The following PAPSS1 variants were observed in gnomAD, a reference collection of about 807,000 sequenced individuals.
PAPSS1 encodes the protein 3'-phosphoadenosine 5'-phosphosulfate synthase 1.
A neutral mutation model predicts 72.0 loss-of-function variants in PAPSS1; 50 were observed. The observed-to-expected ratio is 0.69, with a 90% CI of 0.55 to 0.88. The LOEUF (loss-of-function observed/expected upper bound fraction) is 0.88, where lower values mean the gene tolerates loss of function less well. PAPSS1 is among the 40% of genes least tolerant of loss of function. PAPSS1 has a pLI of 0.00. For synonymous variants in PAPSS1, 261 were observed against 263.6 expected (o/e 0.99, Z 0.09); for missense variants, 657 against 782.2 (o/e 0.84, Z 1.91).
At chr4:107,684,662 T>C (rs1329337831) in intron 4 of PAPSS1, among the ~76,000 whole-genome samples, 1 of 152,068 alleles carries the variant, frequency 6.6e-6, no homozygotes, top group African/African-American at 2.4e-5. Context: ...TCAGACAAAC[T>C]CAACCAATTG....
intron 11 of PAPSS1, among the ~76,000 whole-genome samples, chr4:107,620,330 A>G (rs1023087244): frequency 1.3e-5 from 2 of 152,232 alleles, no homozygotes; most frequent in Admixed American, 6.5e-5. Flanking sequence ...GACTGGGATT[A>G]AAAATTCTCT....
intron 11 of PAPSS1, among the ~76,000 whole-genome samples, chr4:107,625,105 A>C (rs1287455813): frequency 6.6e-6 from 1 of 152,214 alleles, no homozygotes; most frequent in African/African-American, 2.4e-5. Context: ...GGTTTTGGCC[A>C]TTTTAAGAAA....
intron 9 of PAPSS1, among the ~76,000 whole-genome samples, chr4:107,652,626 A>C (rs573091035): frequency 1.3e-5 from 2 of 152,318 alleles, no homozygotes; most frequent in South Asian, 4.1e-4. Flanking sequence ...ACTGGCATAT[A>C]AAGATCCAGA....
intron 11 of PAPSS1, among the ~76,000 whole-genome samples, chr4:107,625,152 G>A (rs1726058068): frequency 6.6e-6 from 1 of 152,156 alleles, no homozygotes; most frequent in South Asian, 2.1e-4. Flanking sequence ...AGAAATCAAA[G>A]AAGCAAGAAA....
At chr4:107,653,750 T>G in intron 8 of PAPSS1, 124 bp from the exon 9 acceptor site, 4 of 617,684 alleles carry the variant, frequency 6.5e-6, no homozygotes, top group Non-Finnish European at 1.0e-5. Flanking sequence ...AAATCTGACT[T>G]ATCAACTAAA....
intron 11 of PAPSS1, among the ~76,000 whole-genome samples, chr4:107,621,622 T>TTTTTA (rs1725960030): frequency 2.6e-5 from 3 of 115,282 alleles, no homozygotes; most frequent in Non-Finnish European, 5.4e-5. Flanking sequence ...TTTTTTTTTT[T>TTTTTA]TTTTTTTTTT....
intron 11 of PAPSS1, among the ~76,000 whole-genome samples, chr4:107,621,907 C>T (rs1168531100): frequency 6.6e-6 from 1 of 151,986 alleles, no homozygotes; most frequent in East Asian, 1.9e-4. Flanking sequence ...GGATTATAGG[C>T]GTGAGCCACC....
chr4:107,715,169 T>A (rs1475851780), intron 1 of PAPSS1, among the ~76,000 whole-genome samples: 1 of 152,224 alleles, frequency 6.6e-6, no homozygotes, highest in African/African-American at 2.4e-5. Context: ...TGAAACGTGG[T>A]TACTGCAACT....
intron 2 of PAPSS1, among the ~76,000 whole-genome samples, chr4:107,695,215 G>C (rs1019077001): frequency 2.6e-5 from 4 of 152,140 alleles, no homozygotes; most frequent in Non-Finnish European, 5.9e-5. Flanking sequence ...CACGTCCCTT[G>C]CAAGTTGTAT....
Position 107,659,947 on chromosome 4 carries a change from C to T in PAPSS1, c.783+12G>A, listed in dbSNP as rs778534843. The T allele has an allele frequency of 1.5e-5, 21 of 1,433,028 alleles. No homozygotes were observed. The highest frequency in any genetic ancestry group is 8.6e-5 in the Admixed American group (5 of 58,458). The allele number at this position is 1,433,028 out of a possible 1,614,324, so 88.8% of individuals were successfully genotyped here. On this transcript the variant is annotated intron_variant, in intron 6 of 11. Coordinates refer to ENST00000265174, the MANE Select transcript of PAPSS1 (RefSeq NM_005443.5). ...CTGTATCACTTAGTGTGAAAAGCAA[C>T]GAAGAACTTACTTTATTAATTTTCA...
At chr4:107,659,734 ATAAG>A (rs1727119287) in intron 6 of PAPSS1, among the ~76,000 whole-genome samples, 1 of 152,314 alleles carries the variant, frequency 6.6e-6, no homozygotes, top group African/African-American at 2.4e-5. Flanking sequence ...TTCAAAATAA[ATAAG>A]TATTATTACT....
At chr4:107,626,975 T>G (rs1173517012) in intron 11 of PAPSS1, among the ~76,000 whole-genome samples, 1 of 152,204 alleles carries the variant, frequency 6.6e-6, no homozygotes, top group African/African-American at 2.4e-5. Flanking sequence ...TAATATAGAA[T>G]TCATCTTTGG....
intron 1 of PAPSS1, among the ~76,000 whole-genome samples, chr4:107,717,590 C>G (rs2125945176): frequency 6.6e-6 from 1 of 152,282 alleles, no homozygotes; most frequent in Middle Eastern, 3.4e-3. Context: ...CTCCAGGGTC[C>G]TGCTTTTAAC....
intron 11 of PAPSS1, among the ~76,000 whole-genome samples, chr4:107,624,412 A>G (rs973709854): frequency 2.0e-5 from 3 of 152,216 alleles, no homozygotes; most frequent in African/African-American, 7.2e-5. Flanking sequence ...CCATAAGGGC[A>G]ATGACAATAT....
chr4:107,669,759 T>C (rs1727423681), intron 5 of PAPSS1, among the ~76,000 whole-genome samples: 1 of 152,162 alleles, frequency 6.6e-6, no homozygotes, highest in Non-Finnish European at 1.5e-5. Flanking sequence ...TCTTCTTTTG[T>C]CACCACCCAC....
At chr4:107,661,469 CTG>C (rs1273614823) in intron 5 of PAPSS1, among the ~76,000 whole-genome samples, 1 of 152,166 alleles carries the variant, frequency 6.6e-6, no homozygotes, top group Non-Finnish European at 1.5e-5. Context: ...AATAAACAAA[CTG>C]TAGAACATCT....
chr4:107,665,327 C>T (rs1047971101), intron 5 of PAPSS1, among the ~76,000 whole-genome samples: 6 of 152,180 alleles, frequency 3.9e-5, no homozygotes, highest in Admixed American at 3.9e-4. Context: ...GCAAAACCAC[C>T]TCAAAGTGAC....
intron 5 of PAPSS1, among the ~76,000 whole-genome samples, chr4:107,670,264 T>G (rs1416411635): frequency 6.6e-6 from 1 of 152,150 alleles, no homozygotes; most frequent in African/African-American, 2.4e-5. Context: ...TGTCCAATCA[T>G]CAGATTGTCT....
intron 1 of PAPSS1, chr4:107,719,709 T>C: frequency 5.3e-6 from 4 of 752,378 alleles, no homozygotes; most frequent in Non-Finnish European, 6.6e-6. Flanking sequence ...GGCGCCCGCC[T>C]CCGCCTTCTC....
Sources: gnomAD v4.1 joint callset for allele counts (sites outside exome capture counted in the v4.1 genomes callset) on GRCh38, gnomAD v4.1.1 for gene constraint, MANE v1.5 for transcripts, NCBI Gene and HGNC (gene_info 2026-07-23, HGNC 2026-07-21) for gene names.